The following DCUN1D1 variants were observed in gnomAD, a reference collection of about 807,000 sequenced individuals.
DCUN1D1 encodes DCN1-like protein 1.
Under a neutral mutation model 39.0 loss-of-function variants are expected in DCUN1D1, and 3 were observed. The observed-to-expected ratio is 0.08, with a 90% CI of 0.04 to 0.20. The LOEUF (loss-of-function observed/expected upper bound fraction) is 0.20. Among genes scored for constraint, DCUN1D1 ranks in the 10% least tolerant of loss-of-function variants. The pLI, the probability that DCUN1D1 is intolerant of heterozygous loss-of-function variation, is 1.00. For synonymous variants in DCUN1D1, 82 were observed against 96.3 expected, an observed-to-expected ratio of 0.85 and a Z score of 0.87; for missense variants, 158 against 302.4, an observed-to-expected ratio of 0.52 and a Z score of 3.54.
At chr3:182,965,860 C>T in intron 1 of DCUN1D1, 107 bp from the exon 2 acceptor site, 1 of 699,650 alleles carries the variant, frequency 1.4e-6, no homozygotes, top group Non-Finnish European at 2.4e-6. Flanking sequence ...CCTCACAAAA[C>T]ATTAAAACAT....
At chr3:182,957,624 T>C (rs536560592) in intron 4 of DCUN1D1, among the ~76,000 whole-genome samples, 4 of 151,736 alleles carry the variant, frequency 2.6e-5, no homozygotes, top group Non-Finnish European at 5.9e-5. Flanking sequence ...AGATCCTGTA[T>C]CTAAAACAAA....
At chr3:182,960,497 A>G (rs973402845) in intron 4 of DCUN1D1, among the ~76,000 whole-genome samples, 1 of 152,184 alleles carries the variant, frequency 6.6e-6, no homozygotes, top group Non-Finnish European at 1.5e-5. Flanking sequence ...TCCCTCGTTC[A>G]GCCAAATACC....
chr3:182,961,648 GC>G (rs1727402094), intron 3 of DCUN1D1, among the ~76,000 whole-genome samples: 1 of 152,176 alleles, frequency 6.6e-6, no homozygotes, highest in Admixed American at 6.5e-5. Flanking sequence ...GTAGAAGTCA[GC>G]TTCAGTGGAT....
intron 4 of DCUN1D1, chr3:182,956,448 C>T (rs371579359): frequency 6.0e-6 from 1 of 165,706 alleles, no homozygotes; most frequent in Admixed American, 6.2e-5. Flanking sequence ...GGCCTGAGAT[C>T]TAGTCTCAGT....
At chr3:182,960,967 G>T (rs1458634171) in intron 4 of DCUN1D1, among the ~76,000 whole-genome samples, 1 of 152,126 alleles carries the variant, frequency 6.6e-6, no homozygotes, top group African/African-American at 2.4e-5. Flanking sequence ...ACTGTCAGTG[G>T]AATTTTAACA....
chr3:182,945,525 C>A (rs1173839006), intron 6 of DCUN1D1, among the ~76,000 whole-genome samples: 1 of 152,020 alleles, frequency 6.6e-6, no homozygotes, highest in African/African-American at 2.4e-5. Flanking sequence ...TGGTGTGAAC[C>A]CGGGAGGCGG....
chr3:182,939,361 A>T lies in DCUN1D1; in HGVS notation c.*5733T>A, dbSNP rs946722135. ...ACAACCTGACAATTCCACAACTAGG[A>T]ATCTGAGATGAAAACATGTCCACAC... On this transcript the variant is annotated 3_prime_UTR_variant, in exon 7 of 7. Coordinates refer to ENST00000292782, the MANE Select transcript of DCUN1D1 (RefSeq NM_020640.4). The T allele has an allele frequency of 1.3e-5, 2 of 152,220 alleles. No homozygotes were observed. Among genetic ancestry groups the T allele is most frequent in the Non-Finnish European group, 2.9e-5 (2 of 68,050 alleles). 9.4% of individuals were successfully genotyped at this position (152,220 alleles called of 1,614,324 possible).
intron 4 of DCUN1D1, among the ~76,000 whole-genome samples, chr3:182,959,920 A>C (rs1297625064): frequency 6.6e-6 from 1 of 152,072 alleles, no homozygotes; most frequent in Non-Finnish European, 1.5e-5. Context: ...TGTTATTATA[A>C]AGCGAGGCTT....
At chr3:182,953,871 A>T (rs1726880431) in intron 4 of DCUN1D1, among the ~76,000 whole-genome samples, 1 of 152,208 alleles carries the variant, frequency 6.6e-6, no homozygotes, top group South Asian at 2.1e-4. Flanking sequence ...GCAAACAGAG[A>T]TACTCCCCAT....
In DCUN1D1 at chr3:182,944,237, T is replaced by TA. The variant is rs1726280724; in HGVS notation, c.*856dup. 1 of 152,584 alleles carries TA rather than the reference T, an allele frequency of 6.6e-6. No individual in the cohort carries two copies. Among genetic ancestry groups the TA allele is most frequent in the African/African-American group, 2.4e-5 (1 of 41,442 alleles). 9.5% of individuals were successfully genotyped at this position (152,584 alleles called of 1,614,324 possible). A position where few individuals can be genotyped will look rare whatever the true frequency, so the allele number is the denominator to read the frequency against. ...GCAATCCAAAACATTCAAAACAAAT[T>TA]AAATAGTTTAACTTATGTGACAGGC... On this transcript the variant is annotated 3_prime_UTR_variant, in exon 7 of 7. Transcript: ENST00000292782.
intron 1 of DCUN1D1, among the ~76,000 whole-genome samples, chr3:182,973,836 C>A (rs934387586): frequency 1.3e-5 from 2 of 151,716 alleles, no homozygotes; most frequent in Non-Finnish European, 2.9e-5. Context: ...AGAAGTATAT[C>A]TGTAAGATTC....
chr3:182,981,091 G>T (rs2108410872), upstream of DCUN1D1, among the ~76,000 whole-genome samples: 1 of 151,878 alleles, frequency 6.6e-6, no homozygotes, highest in Non-Finnish European at 1.5e-5. Context: ...GTTCCCTCGC[G>T]TGGGCATCCC....
intron 4 of DCUN1D1, among the ~76,000 whole-genome samples, chr3:182,957,611 G>A (rs1727144406): frequency 6.6e-6 from 1 of 151,998 alleles, no homozygotes; most frequent in Non-Finnish European, 1.5e-5. Flanking sequence ...AGGCAAGAGA[G>A]CCAGATCCTG....
At chr3:182,982,225 T>C (rs1232873376), upstream of DCUN1D1, among the ~76,000 whole-genome samples, 1 of 152,268 alleles carries the variant, frequency 6.6e-6, no homozygotes, top group East Asian at 1.9e-4. Flanking sequence ...TTCTCCTGCA[T>C]CTCCTCTTTA....
chr3:182,966,676 A>G (rs1727684019), intron 1 of DCUN1D1, among the ~76,000 whole-genome samples: 1 of 152,142 alleles, frequency 6.6e-6, no homozygotes, highest in South Asian at 2.1e-4. Flanking sequence ...CCGGCCTCCT[A>G]GCAACTGCAG....
intron 3 of DCUN1D1, among the ~76,000 whole-genome samples, chr3:182,961,639 T>C (rs988288899): frequency 6.6e-6 from 1 of 152,234 alleles, no homozygotes; most frequent in African/African-American, 2.4e-5. Context: ...CTTTCACTAG[T>C]AGAAGTCAGC....
In DCUN1D1 at chr3:182,951,617, CAAAAAAAAAAAAAAAA is replaced by C. The variant is rs748698621; in HGVS notation, c.521-4001_521-3986del. On this transcript the variant is annotated intron_variant, in intron 4 of 6. Transcript: ENST00000292782. ...GGTGACAGAGAGAGACCCTGTCTCC[CAAAAAAAAAAAAAAAA>C]AAAAAAAAAAAAACCACCACACACA... is the stretch of plus-strand genomic sequence containing the variant. Among the ~76,000 whole-genome samples the C allele has an allele frequency of 1.0e-3, 45 of 44,386 alleles. No individual in the cohort carries two copies. The South Asian group carries it at 0.016, about 16-fold the overall frequency. 29.1% of individuals were successfully genotyped at this position (44,386 alleles called of 152,430 possible).
chr3:182,984,301 C>T (rs879762435), upstream of DCUN1D1, among the ~76,000 whole-genome samples: 1 of 152,156 alleles, frequency 6.6e-6, no homozygotes, highest in Non-Finnish European at 1.5e-5. Flanking sequence ...ACTCAATCAT[C>T]ATGATTGGGT....
intron 4 of DCUN1D1, among the ~76,000 whole-genome samples, chr3:182,951,759 C>T (rs1246242524): frequency 1.4e-5 from 2 of 140,118 alleles, no homozygotes; most frequent in Non-Finnish European, 3.0e-5. Flanking sequence ...TGCAGTGGTG[C>T]GATCCCTGCT....
Sources: gnomAD v4.1 joint callset for allele counts (sites outside exome capture counted in the v4.1 genomes callset) on GRCh38, gnomAD v4.1.1 for gene constraint, MANE v1.5 for transcripts, NCBI Gene and HGNC (gene_info 2026-07-23, HGNC 2026-07-21) for gene names.